Variants in B3GALT1 observed in about 807,000 individuals in gnomAD.
The protein encoded by B3GALT1 is UDP-Gal:betaGlcNAc beta 1,3-galactosyltransferase, polypeptide 1.
B3GALT1 carries 10 observed loss-of-function variants against 23.2 expected under a neutral mutation model. The ratio of observed to expected loss-of-function variants is 0.43; its 90% CI spans 0.27 to 0.73. The LOEUF (loss-of-function observed/expected upper bound fraction) is 0.73, where lower values mean the gene tolerates loss of function less well. Among genes scored for constraint, B3GALT1 ranks in the 30% least tolerant of loss-of-function variants. The pLI, the probability that B3GALT1 is intolerant of heterozygous loss-of-function variation, is 0.21. For synonymous variants in B3GALT1, 156 were observed against 141.5 expected (o/e 1.10, Z -0.73); for missense variants, 299 against 405.4 (o/e 0.74, Z 2.25).
intron 3 of B3GALT1, among the ~76,000 whole-genome samples, chr2:167,702,512 C>T (rs993766789): frequency 6.6e-6 from 1 of 152,050 alleles, no homozygotes; most frequent in Non-Finnish European, 1.5e-5. Flanking sequence ...TGAGCAAATT[C>T]CCATTTACAG....
Position 167,780,028 on chromosome 2 carries a change from A to G in B3GALT1, c.-351-38644A>G, listed in dbSNP as rs534251305. On this transcript the variant is annotated intron_variant, in intron 3 of 4. Coordinates refer to ENST00000392690, the MANE Select transcript of B3GALT1 (RefSeq NM_020981.4). ...AGCCATTTGTTAACTGCCAAGGTCTATTTTACTGCCCATATCACAAATCTC... is the reference window on the plus strand; with the variant it reads ...AGCCATTTGTTAACTGCCAAGGTCTGTTTTACTGCCCATATCACAAATCTC... Among the ~76,000 whole-genome samples, 14 of 152,302 alleles carry G rather than the reference A, an allele frequency of 9.2e-5. No homozygotes were observed. The South Asian group carries it at 1.2e-3, about 14-fold the overall frequency.
intron 4 of B3GALT1, among the ~76,000 whole-genome samples, chr2:167,842,177 A>G (rs1689664909): frequency 6.6e-6 from 1 of 152,362 alleles, no homozygotes; most frequent in African/African-American, 2.4e-5. Flanking sequence ...ACAAAGCAAA[A>G]TAGAAACACA....
chr2:167,736,076 T>G (rs1019306398), intron 3 of B3GALT1, among the ~76,000 whole-genome samples: 1 of 152,162 alleles, frequency 6.6e-6, no homozygotes, highest in Non-Finnish European at 1.5e-5. Context: ...GTACAATAAT[T>G]TGTTCAAGTC....
At chr2:167,305,231 GAC>G (rs1431883510) in intron 1 of B3GALT1, among the ~76,000 whole-genome samples, 1 of 152,100 alleles carries the variant, frequency 6.6e-6, no homozygotes, top group Non-Finnish European at 1.5e-5. Context: ...CCAATTTTTA[GAC>G]AGTTGTTAAT....
intron 3 of B3GALT1, among the ~76,000 whole-genome samples, chr2:167,665,151 T>C (rs1686150953): frequency 6.6e-6 from 1 of 151,324 alleles, no homozygotes; most frequent in Non-Finnish European, 1.5e-5. Flanking sequence ...ATACCTAATT[T>C]ATTGAGAGTT....
At chr2:167,676,912 AAAC>A (rs1350808595) in intron 3 of B3GALT1, among the ~76,000 whole-genome samples, 3 of 152,238 alleles carry the variant, frequency 2.0e-5, no homozygotes, top group African/African-American at 7.2e-5. Flanking sequence ...CTAAGTAACT[AAAC>A]AAGTACTCTC....
intron 1 of B3GALT1, among the ~76,000 whole-genome samples, chr2:167,394,533 G>A (rs903500775): frequency 9.2e-5 from 14 of 151,850 alleles, no homozygotes; most frequent in Middle Eastern, 3.4e-3. Flanking sequence ...CTAATAAAGG[G>A]TTGTTTTTTT....
intron 4 of B3GALT1, among the ~76,000 whole-genome samples, chr2:167,861,932 A>T (rs1282987813): frequency 1.3e-5 from 2 of 152,202 alleles, no homozygotes; most frequent in African/African-American, 2.4e-5. Context: ...TAGAAATGCA[A>T]AGGAAATAAG....
chr2:167,341,648 T>A (rs1697148623), intron 1 of B3GALT1, among the ~76,000 whole-genome samples: 1 of 151,554 alleles, frequency 6.6e-6, no homozygotes, highest in South Asian at 2.1e-4. Flanking sequence ...GGCAGGAGAG[T>A]GACACTGCAT....
chr2:167,580,763 A>G (rs1367805274), intron 2 of B3GALT1, among the ~76,000 whole-genome samples: 1 of 152,162 alleles, frequency 6.6e-6, no homozygotes, highest in Admixed American at 6.5e-5. Flanking sequence ...TCAAATGTCT[A>G]TAGTCTTTTT....
At chr2:167,331,158 T>C (rs1696967740) in intron 1 of B3GALT1, among the ~76,000 whole-genome samples, 1 of 152,110 alleles carries the variant, frequency 6.6e-6, no homozygotes, top group Non-Finnish European at 1.5e-5. Flanking sequence ...AGGCTGTGAT[T>C]GTTAGTAGAG....
In B3GALT1 at chr2:167,446,178, G is replaced by A. The variant is rs185452066; in HGVS notation, c.-510-43999G>A. On this transcript the variant is annotated intron_variant, in intron 1 of 4. Coordinates refer to ENST00000392690, the MANE Select transcript of B3GALT1 (RefSeq NM_020981.4). ...GTTGAAAATTCTTTTCTTTAAGAAT[G>A]TTGAATATTGGCCCCCACTTTCTTC... Among the ~76,000 whole-genome samples, 561 of 152,314 alleles carry A rather than the reference G, an allele frequency of 3.7e-3. 4 individuals are homozygous for A. The highest frequency in any genetic ancestry group is 0.014 in the South Asian group (67 of 4,828).
intron 4 of B3GALT1, among the ~76,000 whole-genome samples, chr2:167,837,892 T>C (rs1425784421): frequency 2.0e-5 from 3 of 152,106 alleles, no homozygotes; most frequent in Non-Finnish European, 4.4e-5. Flanking sequence ...ACCGCTCAAC[T>C]ACATGGAAAC....
In B3GALT1 at chr2:167,595,834, G is replaced by T. The variant is rs546655083; in HGVS notation, c.-409-51075G>T. Among the ~76,000 whole-genome samples the T allele has an allele frequency of 1.2e-4, 18 of 152,322 alleles. No individual in the cohort carries two copies. The East Asian group carries it at 3.5e-3, about 29-fold the overall frequency. ...CAAAGACTCATGTGAGAGAGATTAA[G>T]AGGGCTGGTTTGTCTCTTTCTGTGT... On this transcript the variant is annotated intron_variant, in intron 2 of 4. Coordinates refer to ENST00000392690, the MANE Select transcript of B3GALT1 (RefSeq NM_020981.4).
chr2:167,448,734 G>C lies in B3GALT1; in HGVS notation c.-510-41443G>C, dbSNP rs144123596. Among the ~76,000 whole-genome samples the C allele has an allele frequency of 5.6e-3, 847 of 152,242 alleles. 10 individuals are homozygous for C. The highest frequency in any genetic ancestry group is 0.02 in the African/African-American group (811 of 41,542). ...TCTTCTAGAATTTTTATGGTTTCAG[G>C]TCTTAGATTTAAGTCCTTCATTCAT... On this transcript the variant is annotated intron_variant, in intron 1 of 4. Coordinates refer to ENST00000392690, the MANE Select transcript of B3GALT1 (RefSeq NM_020981.4).
intron 2 of B3GALT1, among the ~76,000 whole-genome samples, chr2:167,587,328 T>C (rs941217463): frequency 2.0e-5 from 3 of 152,224 alleles, no homozygotes; most frequent in African/African-American, 4.8e-5. Flanking sequence ...CCAATACTTA[T>C]TTGTCAGCAC....
chr2:167,782,055 T>A (rs1226810478), intron 3 of B3GALT1, among the ~76,000 whole-genome samples: 2 of 152,100 alleles, frequency 1.3e-5, no homozygotes, highest in African/African-American at 4.8e-5. Flanking sequence ...TGCCTCTTAT[T>A]TATGGTTGTG....
chr2:167,387,428 A>T (rs527776338), intron 1 of B3GALT1, among the ~76,000 whole-genome samples: 10 of 152,324 alleles, frequency 6.6e-5, no homozygotes, highest in Middle Eastern at 3.4e-3. Flanking sequence ...TTATCTCATC[A>T]TATAAAGTCT....
At chr2:167,803,501 G>GTTTT (rs1187353748) in intron 3 of B3GALT1, among the ~76,000 whole-genome samples, 1 of 152,110 alleles carries the variant, frequency 6.6e-6, no homozygotes, top group Non-Finnish European at 1.5e-5. Context: ...TAGCTCTATT[G>GTTTT]TTTTTGGAAA....
Sources: allele counts gnomAD v4.1 joint callset (sites outside exome capture counted in the v4.1 genomes callset), GRCh38; gene constraint gnomAD v4.1.1; transcripts MANE v1.5; gene names NCBI Gene and HGNC (gene_info 2026-07-23, HGNC 2026-07-21).